TJP1: variants seen among roughly 807,000 people sequenced by gnomAD.
TJP1 encodes tight junction protein 1, also known as tight junction protein ZO-1.
In TJP1, 43 loss-of-function variants were observed where a neutral mutation model predicts 194.2. The observed-to-expected ratio is 0.22, with a 90% confidence interval of 0.17 to 0.29. TJP1 has a LOEUF of 0.29. Among genes scored for constraint, TJP1 ranks in the 10% least tolerant of loss-of-function variants. The pLI is 1.00. For synonymous variants in TJP1, 801 were observed against 779.0 expected (o/e 1.03, Z -0.47); for missense variants, 1,971 against 2,185.7 (o/e 0.90, Z 1.96).
At chr15:29,777,947 T>G (rs1239347716) in intron 2 of TJP1, among the ~76,000 whole-genome samples, 1 of 152,126 alleles carries the variant, frequency 6.6e-6, no homozygotes, top group Non-Finnish European at 1.5e-5. Context: ...ATTTGAAAAA[T>G]TACTCTATGT....
chr15:29,931,319 T>C (rs920826682), intron 2 of TJP1, among the ~76,000 whole-genome samples: 11 of 152,132 alleles, frequency 7.2e-5, no homozygotes, highest in Admixed American at 4.6e-4. Context: ...AAAATCTGCA[T>C]ATAAGTGGAG....
At chr15:29,717,937 A>G (rs1409066678) in intron 22 of TJP1, 84 bp downstream of exon 22, 1 of 1,175,414 alleles carries the variant, frequency 8.5e-7, no homozygotes, top group Non-Finnish European at 1.2e-6. Flanking sequence ...CTCCTCTACT[A>G]ACACAGTAAA....
chr15:29,908,730 G>T (rs1447476323), intron 2 of TJP1, among the ~76,000 whole-genome samples: 1 of 152,156 alleles, frequency 6.6e-6, no homozygotes, highest in African/African-American at 2.4e-5. Flanking sequence ...CTTTTAAAAA[G>T]AGGCTCGGCC....
chr15:29,780,376 CAT>C, intron 2 of TJP1, among the ~76,000 whole-genome samples: 1 of 152,058 alleles, frequency 6.6e-6, no homozygotes, highest in Non-Finnish European at 1.5e-5. Context: ...CCCTTGCATG[CAT>C]GGCTCACAAC....
At chr15:29,762,638 A>G (rs1288095348) in intron 5 of TJP1, among the ~76,000 whole-genome samples, 200 bp from the exon 6 acceptor site, 2 of 152,184 alleles carry the variant, frequency 1.3e-5, no homozygotes, top group Non-Finnish European at 2.9e-5. Flanking sequence ...AAGCCAAGGG[A>G]AAGTGTATGG....
At chr15:29,711,353 A>G (rs1247520210) in intron 23 of TJP1, among the ~76,000 whole-genome samples, 2 of 152,088 alleles carry the variant, frequency 1.3e-5, no homozygotes, top group African/African-American at 4.8e-5. Context: ...TCATGGCACA[A>G]ATTTTCCTGA....
chr15:29,826,621 G>A (rs369482574), upstream of TJP1, among the ~76,000 whole-genome samples: 3 of 152,058 alleles, frequency 2.0e-5, no homozygotes, highest in African/African-American at 7.2e-5. Flanking sequence ...TTCCATCTTG[G>A]GGGGCTGACC....
intron 2 of TJP1, among the ~76,000 whole-genome samples, chr15:29,896,661 C>CA (rs368161256): frequency 1.2e-3 from 188 of 152,140 alleles, no homozygotes; most frequent in African/African-American, 4.1e-3. Context: ...ATGGTTTTGA[C>CA]AAAAAATGCT....
At chr15:29,720,054 T>C in intron 19 of TJP1, 38 bp from the exon 20 acceptor site, 3 of 1,548,766 alleles carry the variant, frequency 1.9e-6, no homozygotes, top group Non-Finnish European at 2.6e-6. Context: ...ATAGTGTTTC[T>C]GTTTACTGCT....
intron 12 of TJP1, among the ~76,000 whole-genome samples, chr15:29,733,746 C>A (rs571755407): frequency 6.6e-6 from 1 of 152,282 alleles, no homozygotes; most frequent in East Asian, 1.9e-4. Context: ...GGCATCTCAT[C>A]TAGTGAGCAG....
chr15:29,824,097 A>T (rs1479773360), upstream of TJP1: 3 of 137,408 alleles, frequency 2.2e-5, no homozygotes, highest in African/African-American at 8.5e-5. Flanking sequence ...AAAAAAAAAA[A>T]AAAAAAAAAA....
At chr15:29,724,468 T>G (rs2043125231) in intron 18 of TJP1, among the ~76,000 whole-genome samples, 1 of 152,214 alleles carries the variant, frequency 6.6e-6, no homozygotes, top group Non-Finnish European at 1.5e-5. Context: ...AAGAATAACT[T>G]AGAACTAATC....
chr15:29,954,061 T>C (rs967667314), intron 2 of TJP1, among the ~76,000 whole-genome samples: 8 of 152,126 alleles, frequency 5.3e-5, no homozygotes, highest in African/African-American at 1.9e-4. Flanking sequence ...CAGAGTCAAA[T>C]AGAAAAACCA....
At chr15:29,748,720 G>A (rs914698686) in intron 8 of TJP1, among the ~76,000 whole-genome samples, 1 of 151,684 alleles carries the variant, frequency 6.6e-6, no homozygotes, top group Non-Finnish European at 1.5e-5. Flanking sequence ...CTACAGATGC[G>A]TGCCACCATA....
upstream of TJP1, among the ~76,000 whole-genome samples, chr15:29,826,230 A>G (rs1444605529): frequency 6.6e-6 from 1 of 152,158 alleles, no homozygotes; most frequent in Non-Finnish European, 1.5e-5. Context: ...CCTCGAAAGA[A>G]TTCCTCCTAT....
At chr15:29,949,529 A>C (rs1596310584) in intron 2 of TJP1, among the ~76,000 whole-genome samples, 5 of 126,460 alleles carry the variant, frequency 4.0e-5, no homozygotes, top group African/African-American at 1.2e-4. Flanking sequence ...CACCACCACC[A>C]CCTCCACCAC....
intron 2 of TJP1, among the ~76,000 whole-genome samples, chr15:29,893,910 A>C (rs1490617393): frequency 6.6e-6 from 1 of 152,186 alleles, no homozygotes; most frequent in African/African-American, 2.4e-5. Flanking sequence ...CCTGTGAAAT[A>C]AGGTGCTGAA....
chr15:29,846,282 C>A (rs893034448), intron 2 of TJP1, among the ~76,000 whole-genome samples: 21 of 152,128 alleles, frequency 1.4e-4, no homozygotes, highest in African/African-American at 4.3e-4. Flanking sequence ...CCATTCACTG[C>A]GATAGCCCCA....
chr15:29,824,363 A>C (rs1038139116), upstream of TJP1, among the ~76,000 whole-genome samples: 2 of 151,804 alleles, frequency 1.3e-5, no homozygotes, highest in African/African-American at 4.8e-5. Flanking sequence ...GAATCGCTTG[A>C]ACCCGAGAGG....
Sources: gnomAD v4.1 joint callset for allele counts (sites outside exome capture counted in the v4.1 genomes callset) on GRCh38, gnomAD v4.1.1 for gene constraint, MANE v1.5 for transcripts, NCBI Gene and HGNC (gene_info 2026-07-23, HGNC 2026-07-21) for gene names.